The following SGO2 variants were observed in gnomAD, a reference collection of about 807,000 sequenced individuals.
The protein encoded by SGO2 is shugoshin-like 2.
Under a neutral mutation model 99.5 loss-of-function variants are expected in SGO2, and 68 were observed. The ratio of observed to expected loss-of-function variants is 0.68; its 90% CI spans 0.56 to 0.84. The LOEUF is 0.84. SGO2 is among the 40% of genes least tolerant of loss of function. SGO2 has a pLI of 0.00. For synonymous variants in SGO2, 457 were observed against 487.1 expected (o/e 0.94, Z 0.81); for missense variants, 1,350 against 1,436.7 (o/e 0.94, Z 0.97).
intron 5 of SGO2, among the ~76,000 whole-genome samples, chr2:200,556,732 C>A (rs993060525): frequency 6.6e-6 from 1 of 152,330 alleles, no homozygotes; most frequent in African/African-American, 2.4e-5. Flanking sequence ...AAGGACCTTA[C>A]AGCAGCCAAT....
chr2:200,565,256 G>A (rs565416887), intron 5 of SGO2, among the ~76,000 whole-genome samples: 2 of 152,284 alleles, frequency 1.3e-5, no homozygotes, highest in Admixed American at 1.3e-4. Flanking sequence ...GGGCAGTCCT[G>A]GTGGTGACAA....
intron 4 of SGO2, among the ~76,000 whole-genome samples, chr2:200,537,946 A>G (rs898350399): frequency 1.3e-5 from 2 of 152,112 alleles, no homozygotes; most frequent in African/African-American, 4.8e-5. Context: ...CCTTTGGCAA[A>G]TCATTTTAGT....
At chr2:200,532,736 C>T (rs878909942) in intron 1 of SGO2, among the ~76,000 whole-genome samples, 1 of 152,108 alleles carries the variant, frequency 6.6e-6, no homozygotes, top group Non-Finnish European at 1.5e-5. Flanking sequence ...CTTTCCCCTG[C>T]ACCTGGTACA....
rs1323809736 is a variant in SGO2 at position 200,559,775 on chromosome 2, T to C, written c.474-9888T>C. On this transcript the variant is annotated intron_variant, in intron 5 of 8. Coordinates refer to ENST00000357799, the MANE Select transcript of SGO2 (RefSeq NM_152524.6). ...TCATTATTTAGTTCAAGATTTTTTT[T>C]CCTGATTTTTTATTTGACCCTGTGG... Among the ~76,000 whole-genome samples, 5 of 152,316 alleles carry C rather than the reference T, an allele frequency of 3.3e-5. No homozygotes were observed. The East Asian group carries it at 9.6e-4, about 29-fold the overall frequency.
intron 5 of SGO2, chr2:200,543,521 T>A (rs2032063245): frequency 6.6e-6 from 1 of 152,226 alleles, no homozygotes; most frequent in Non-Finnish European, 1.5e-5. Context: ...GTTCTTTCTA[T>A]TATATATAAC....
Position 200,573,548 on chromosome 2 carries a change from CAGGTTAAAA to C in SGO2, c.3207_3215del (p.Lys1070_Val1072del). The C allele has an allele frequency of 6.2e-7, 1 of 1,608,878 alleles. No individual in the cohort carries two copies. Among genetic ancestry groups the C allele is most frequent in the South Asian group, 1.1e-5 (1 of 89,602 alleles). ...GGAAGAAATAAAAGAAGGAGAGTGTCAGGTTAAAAAGGTAAATAAAATGACATCTAAGTC... is the reference window on the plus strand; with the variant it reads ...GGAAGAAATAAAAGAAGGAGAGTGTCAGGTAAATAAAATGACATCTAAGTC... On this transcript the variant is annotated inframe_deletion, in exon 7 of 9. Transcript: ENST00000357799.
chr2:200,533,641 CA>C (rs373380994), intron 2 of SGO2, among the ~76,000 whole-genome samples: 2,404 of 136,122 alleles, frequency 0.018, 74 homozygotes, highest in African/African-American at 0.059. Context: ...ATCAGAAGGG[CA>C]AAAAAAAAAG....
In SGO2 at chr2:200,552,583, C is replaced by T. The variant is rs189591486; in HGVS notation, c.473+9919C>T. The stretch of plus-strand genomic sequence containing the variant: ...ATTCCTGGAACTGAGGTTTTCTCCC[C>T]TTTTAGACCATATAAGGTAACTTCC... On this transcript the variant is annotated intron_variant, in intron 5 of 8. Coordinates refer to ENST00000357799, the MANE Select transcript of SGO2 (RefSeq NM_152524.6). Among the ~76,000 whole-genome samples, 59 of 152,260 alleles carry T rather than the reference C, an allele frequency of 3.9e-4. 1 individual carries two copies. Among genetic ancestry groups the T allele is most frequent in the African/African-American group, 1.4e-3 (58 of 41,548 alleles).
At position 200,573,825 on chromosome 2, in the gene SGO2, T is replaced by C. The variant is rs1298015132; in HGVS notation, c.3479T>C (p.Val1160Ala). ...TTTGACAGTGTTCGTGAAGGTTTAGTACCTTTGAGCGTTTCTTCTGGTAAA... is the reference window on the plus strand; with the variant it reads ...TTTGACAGTGTTCGTGAAGGTTTAGCACCTTTGAGCGTTTCTTCTGGTAAA... ...SSFDSVREGL[V>A]PLSVSSGKNV... Residue 1160 changes from valine (V) to alanine (A), a missense_variant, in exon 7 of 9, where the codon GTA becomes GCA. Transcript: ENST00000357799. 2.5e-6 allele frequency: 4 copies of C among 1,613,270 alleles called. No individual in the cohort carries two copies. In the South Asian group the frequency reaches 3.3e-5, roughly 13 times the overall value.
chr2:200,579,295 G>C (rs922194189), intron 8 of SGO2, among the ~76,000 whole-genome samples: 1 of 151,314 alleles, frequency 6.6e-6, no homozygotes, highest in Non-Finnish European at 1.5e-5. Context: ...GGTATAGTAT[G>C]ATATCATCTG....
chr2:200,560,226 T>A (rs2032886482), intron 5 of SGO2, among the ~76,000 whole-genome samples: 1 of 152,196 alleles, frequency 6.6e-6, no homozygotes, highest in Non-Finnish European at 1.5e-5. Context: ...TAGGTACTCA[T>A]ACATTTAGGA....
chr2:200,535,100 A>C lies in SGO2; in HGVS notation c.238A>C (p.Met80Leu). 2 of 1,559,738 alleles carry C rather than the reference A, an allele frequency of 1.3e-6. No individual in the cohort carries two copies. The highest frequency in any genetic ancestry group is 1.7e-4 in the Middle Eastern group (1 of 5,914). ...ENSRRITTEK[M>L]LLQKEVEKLN... is the part of the protein sequence containing the mutation. ...TTCTCGAAGAATTACAACTGAAAAG[A>C]TGCTATTGCAAAAAGAAGTAGAGAA... The change falls in exon 3 of 9, where the codon ATG becomes CTG. Residue 80 changes from methionine (M) to leucine (L), a missense_variant. Coordinates refer to ENST00000357799, the MANE Select transcript of SGO2 (RefSeq NM_152524.6).
Position 200,569,783 on chromosome 2 carries a change from A to T in SGO2, c.594A>T (p.Leu198Phe). The change falls in exon 6 of 9, where the codon TTA becomes TTT. Residue 198 changes from leucine to phenylalanine, a missense_variant. Leu to Phe is a conservative substitution (Grantham distance 22). Coordinates refer to ENST00000357799, the MANE Select transcript of SGO2 (RefSeq NM_152524.6). Reference protein sequence around the residue: ...IPSSGSTTQPLSTQDNSEVLF... With the variant: ...IPSSGSTTQPFSTQDNSEVLF... ...CTTCAGGATCAACAACACAACCTTT[A>T]TCAACTCAGGATAATTCGGAAGTGT... 1 of 1,611,576 alleles carries T rather than the reference A, an allele frequency of 6.2e-7. No individual in the cohort carries two copies.
intron 5 of SGO2, among the ~76,000 whole-genome samples, chr2:200,564,461 G>A (rs546975878): frequency 1.3e-5 from 2 of 152,304 alleles, no homozygotes; most frequent in African/African-American, 4.8e-5. Context: ...TACATTTGCT[G>A]AGGAGTGCTT....
rs201758448 is a variant in SGO2, at chr2:200,571,118, A to G, written c.772A>G (p.Ile258Val). The change falls in exon 7 of 9, where the codon ATT becomes GTT. Residue 258 changes from isoleucine to valine, a missense_variant. Ile to Val is a conservative substitution (Grantham distance 29). Transcript: ENST00000357799. ...GAGTGAGATGAGAAACGCCCAGTCT[A>G]TTGGCCGCAGATGGGAGAAACCATC... is the stretch of plus-strand genomic sequence containing the variant. ...LMSEMRNAQS[I>V]GRRWEKPSPS... 161 of 1,613,308 alleles carry G rather than the reference A, an allele frequency of 1.0e-4. No homozygotes were observed. Among genetic ancestry groups the G allele is most frequent in the Middle Eastern group, 1.6e-4 (1 of 6,082 alleles).
chr2:200,567,389 T>C (rs2033230568), intron 5 of SGO2, among the ~76,000 whole-genome samples: 1 of 152,240 alleles, frequency 6.6e-6, no homozygotes, highest in Non-Finnish European at 1.5e-5. Context: ...TTATATTTCA[T>C]TGGTGTCTAT....
chr2:200,554,158 G>A (rs1451065634), intron 5 of SGO2, among the ~76,000 whole-genome samples: 1 of 152,162 alleles, frequency 6.6e-6, no homozygotes, highest in Non-Finnish European at 1.5e-5. Context: ...CAGGTAGAGA[G>A]AAACAAACAT....
chr2:200,543,350 C>T (rs1265703482), intron 5 of SGO2: 1 of 152,150 alleles, frequency 6.6e-6, no homozygotes, highest in Non-Finnish European at 1.5e-5. Context: ...CTCTTATCCT[C>T]CTGTGCACAA....
chr2:200,538,748 G>A (rs184299368), intron 4 of SGO2, among the ~76,000 whole-genome samples: 2 of 152,262 alleles, frequency 1.3e-5, no homozygotes, highest in Admixed American at 1.3e-4. Flanking sequence ...AGTAATGTAA[G>A]TATCTTTTTA....
Sources: allele counts gnomAD v4.1 joint callset (sites outside exome capture counted in the v4.1 genomes callset), GRCh38; gene constraint gnomAD v4.1.1; transcripts MANE v1.5; gene names NCBI Gene and HGNC (gene_info 2026-07-23, HGNC 2026-07-21).